PPM1E: variants seen among roughly 807,000 people sequenced by gnomAD.
PPM1E encodes the protein protein phosphatase 1E.
In PPM1E, 20 loss-of-function variants were observed where a neutral mutation model predicts 65.9. The observed-to-expected ratio is 0.30, with a 90% CI of 0.21 to 0.44. The LOEUF (loss-of-function observed/expected upper bound fraction) is 0.44. PPM1E is among the 20% of genes least tolerant of loss of function. The probability of loss-of-function intolerance (pLI) is 1.00; values close to 1 mark genes in which losing one functional copy is unlikely to be tolerated. For missense variants in PPM1E, 713 were observed against 953.1 expected, an observed-to-expected ratio of 0.75 and a Z score of 3.32; for synonymous variants, 352 against 374.9, an observed-to-expected ratio of 0.94 and a Z score of 0.70.
chr17:58,946,103 A>G (rs2052146742), intron 1 of PPM1E, among the ~76,000 whole-genome samples: 1 of 152,150 alleles, frequency 6.6e-6, no homozygotes, highest in South Asian at 2.1e-4. Flanking sequence ...GCTATCCAGT[A>G]GCCCACCAAG....
At position 58,773,218 on chromosome 17, in the gene PPM1E, C is replaced by T. The variant is rs1176307152; in HGVS notation, c.464+16757C>T. Among the ~76,000 whole-genome samples the T allele has an allele frequency of 2.0e-5, 3 of 152,036 alleles. No individual in the cohort carries two copies. In the East Asian group the frequency reaches 5.8e-4, roughly 29 times the overall value. The stretch of plus-strand genomic sequence containing the variant: ...AAAACAGATCCTTTCAAGGACATGT[C>T]TGGAGAGATAGAAGCATACTGAGTT... On this transcript the variant is annotated intron_variant, in intron 1 of 6. Coordinates refer to ENST00000308249, the MANE Select transcript of PPM1E (RefSeq NM_014906.5).
intron 6 of PPM1E, 60 bp downstream of exon 6, chr17:58,972,985 C>A (rs181590269): frequency 2.6e-6 from 3 of 1,175,020 alleles, no homozygotes; most frequent in East Asian, 2.3e-5. Context: ...TCTCCTGTAT[C>A]AACTCTGATA....
At position 58,960,650 on chromosome 17, in the gene PPM1E, C is replaced by T. The variant is rs187312133; in HGVS notation, c.583+4883C>T. ...ATTAGCTTGATGTGGTGGTGGACGC[C>T]TGTAATCCCAGCTACTCGGGAGGCT... On this transcript the variant is annotated intron_variant, in intron 2 of 6. Transcript: ENST00000308249. 8.9e-3 allele frequency among the ~76,000 whole-genome samples: 1,353 copies of T among 151,422 alleles called. 16 individuals carry two copies. Among genetic ancestry groups the T allele is most frequent in the African/African-American group, 0.031 (1,292 of 41,222 alleles).
chr17:58,966,284 A>G, intron 3 of PPM1E: 1 of 364,268 alleles, frequency 2.7e-6, no homozygotes, highest in Non-Finnish European at 5.2e-6. Flanking sequence ...GGAGGCTGAT[A>G]CGGGAGGATT....
At chr17:58,891,283 A>T (rs1332413610) in intron 1 of PPM1E, among the ~76,000 whole-genome samples, 1 of 152,136 alleles carries the variant, frequency 6.6e-6, no homozygotes, top group Non-Finnish European at 1.5e-5. Context: ...AATAAATTTT[A>T]AATGAATGAA....
chr17:58,838,467 C>T (rs913925933), intron 1 of PPM1E, among the ~76,000 whole-genome samples: 1 of 152,078 alleles, frequency 6.6e-6, no homozygotes, highest in African/African-American at 2.4e-5. Flanking sequence ...CAGGTTAAAA[C>T]AATGAGATAC....
intron 1 of PPM1E, among the ~76,000 whole-genome samples, chr17:58,802,552 GT>G (rs938415715): frequency 9.9e-5 from 15 of 151,642 alleles, no homozygotes; most frequent in African/African-American, 2.4e-4. Flanking sequence ...AATGTTAGGG[GT>G]TTTTTTTCTA....
intron 1 of PPM1E, among the ~76,000 whole-genome samples, chr17:58,825,263 C>CAA (rs1491111599): frequency 6.0e-5 from 8 of 133,390 alleles, no homozygotes; most frequent in South Asian, 2.5e-4. Flanking sequence ...CACACACACA[C>CAA]AAAAATAAAT....
intron 1 of PPM1E, among the ~76,000 whole-genome samples, chr17:58,890,099 A>G (rs753044452): frequency 6.6e-6 from 1 of 152,232 alleles, no homozygotes; most frequent in African/African-American, 2.4e-5. Context: ...TAGAGGAAAT[A>G]GAGGGTTAGG....
intron 1 of PPM1E, among the ~76,000 whole-genome samples, chr17:58,892,874 G>A (rs184477205): frequency 6.6e-5 from 10 of 152,180 alleles, no homozygotes; most frequent in Admixed American, 2.0e-4. Flanking sequence ...GCTCAACATC[G>A]ATATGTGTTA....
chr17:58,850,848 C>G (rs1381342500), intron 1 of PPM1E, among the ~76,000 whole-genome samples: 1 of 152,186 alleles, frequency 6.6e-6, no homozygotes, highest in African/African-American at 2.4e-5. Context: ...GGGAAGTTCT[C>G]CTGGATAATA....
chr17:58,766,196 G>GTTTTTTTTTTTTTTT (rs10604459), intron 1 of PPM1E, among the ~76,000 whole-genome samples: 1 of 65,134 alleles, frequency 1.5e-5, no homozygotes, highest in Non-Finnish European at 2.8e-5. Flanking sequence ...TGTAATTTCT[G>GTTTTTTTTTTTTTTT]TTTTTTTTTT....
At chr17:58,834,125 T>C (rs2050631377) in intron 1 of PPM1E, among the ~76,000 whole-genome samples, 1 of 152,296 alleles carries the variant, frequency 6.6e-6, no homozygotes, top group African/African-American at 2.4e-5. Context: ...TTTGCTTAGA[T>C]GTAGGGTTTT....
chr17:58,761,388 C>G (rs1392336526), intron 1 of PPM1E, among the ~76,000 whole-genome samples: 2 of 152,154 alleles, frequency 1.3e-5, no homozygotes, highest in Middle Eastern at 3.2e-3. Context: ...CCTTCATCAC[C>G]TATCTCTCTT....
chr17:58,864,403 G>T (rs1165508097), intron 1 of PPM1E, among the ~76,000 whole-genome samples: 1 of 152,160 alleles, frequency 6.6e-6, no homozygotes, highest in African/African-American at 2.4e-5. Flanking sequence ...CAGTTTGGGA[G>T]GCTGAGGTGG....
In PPM1E at chr17:58,983,326, T is replaced by C. The variant is rs997475764; in HGVS notation, c.*2295T>C. On this transcript the variant is annotated 3_prime_UTR_variant, in exon 7 of 7. Transcript: ENST00000308249. ...GTATTTATAGAGTAGTTAGGTACCA[T>C]TTGTAAGGTAAATCCTTTAAAATTC... 1.2e-5 allele frequency: 2 copies of C among 160,432 alleles called. No individual in the cohort carries two copies. The highest frequency in any genetic ancestry group is 2.7e-5 in the Non-Finnish European group (2 of 73,152). The allele number at this position is 160,432 out of a possible 1,614,324, so 9.9% of individuals were successfully genotyped here.
intron 1 of PPM1E, among the ~76,000 whole-genome samples, chr17:58,910,448 T>C (rs2051614164): frequency 6.6e-6 from 1 of 152,212 alleles, no homozygotes; most frequent in Admixed American, 6.5e-5. Context: ...TCATAGTTGT[T>C]TTAAATTCCT....
rs140315231 is a variant in PPM1E at position 58,980,116 on chromosome 17, C to T, written c.1353C>T (p.Ser451=). 2.8e-5 allele frequency: 45 copies of T among 1,613,944 alleles called. No homozygotes were observed. The highest frequency in any genetic ancestry group is 1.6e-4 in the Middle Eastern group (1 of 6,084). The change falls in exon 7 of 7, where the codon TCC becomes TCT. Residue 451 remains serine (S), a synonymous_variant. Transcript: ENST00000308249. This position sits in a 1 kb window ranked among gnomAD's most constrained non-coding sequence, Gnocchi z 4.7. Reference sequence around the variant, plus strand: ...CTGATGAGGCAGTGAAAGTTGTGTCCGACCACCTGAAAGAGAATAATGGAG... The same window carrying T: ...CTGATGAGGCAGTGAAAGTTGTGTCTGACCACCTGAAAGAGAATAATGGAG... ...VNPDEAVKVV[S]DHLKENNGDS...
At chr17:58,811,112 C>G (rs1250422274) in intron 1 of PPM1E, among the ~76,000 whole-genome samples, 1 of 152,170 alleles carries the variant, frequency 6.6e-6, no homozygotes, top group Admixed American at 6.5e-5. Context: ...CCCGCCTTGG[C>G]CTCCCAAAAT....
Sources: allele counts gnomAD v4.1 joint callset (sites outside exome capture counted in the v4.1 genomes callset), GRCh38; gene constraint gnomAD v4.1.1; non-coding constraint Gnocchi (gnomAD v3.1); transcripts MANE v1.5; gene names NCBI Gene and HGNC (gene_info 2026-07-23, HGNC 2026-07-21).